Variants in NISCH observed in about 807,000 individuals in gnomAD.
NISCH encodes nischarin, also known as I-1 receptor candidate protein.
Under a neutral mutation model 138.4 loss-of-function variants are expected in NISCH, and 55 were observed. That is an observed-to-expected ratio of 0.40 (90% CI 0.32 to 0.50). The LOEUF (loss-of-function observed/expected upper bound fraction) is 0.50. Among genes scored for constraint, NISCH ranks in the 20% least tolerant of loss-of-function variants. The pLI is 0.71. For synonymous variants in NISCH, 860 were observed against 861.5 expected, an observed-to-expected ratio of 1.00 and a Z score of 0.03; for missense variants, 1,643 against 2,005.5, an observed-to-expected ratio of 0.82 and a Z score of 3.45.
chr3:52,478,225 C>T lies in NISCH; in HGVS notation c.1116C>T (p.Gly372=). 6.2e-7 allele frequency: 1 copy of T among 1,614,120 alleles called. No individual in the cohort carries two copies. The change falls in exon 10 of 21, where the codon GGC becomes GGT. Residue 372 remains glycine, a synonymous_variant. Transcript: ENST00000345716. ...LAGNLLESLS[G]LHKLYSLVNL... The stretch of plus-strand genomic sequence containing the variant: ...GCAACCTCCTAGAGAGTCTGAGTGG[C>T]CTGCACAAGCTCTACTCACTGGTCA...
chr3:52,481,092 T>C (rs1372501824), intron 13 of NISCH: 5 of 1,303,960 alleles, frequency 3.8e-6, no homozygotes, highest in Non-Finnish European at 4.9e-6. Context: ...CAGAAAAACA[T>C]TCCCACCCCT....
Position 52,476,440 on chromosome 3 carries a change from T to A in NISCH, c.766-7T>A. 6.2e-7 allele frequency: 1 copy of A among 1,613,944 alleles called. No homozygotes were observed. Among genetic ancestry groups the A allele is most frequent in the Non-Finnish European group, 8.5e-7 (1 of 1,179,864 alleles). On this transcript the variant is annotated splice_region_variant and splice_polypyrimidine_tract_variant and intron_variant, in intron 7 of 20. Coordinates refer to ENST00000345716, the MANE Select transcript of NISCH (RefSeq NM_007184.4). ...GTGTGGTGCTCCACACAGATGTTTT[T>A]ATGCAGGAAGTCCTTGTTCCTGAAG...
chr3:52,460,107 A>C (rs1030939041), intron 3 of NISCH, among the ~76,000 whole-genome samples: 5 of 148,122 alleles, frequency 3.4e-5, no homozygotes, highest in Non-Finnish European at 5.9e-5. Context: ...CTTGAACCCA[A>C]GAAGCAGAGG....
intron 3 of NISCH, among the ~76,000 whole-genome samples, chr3:52,460,968 G>A (rs1176894863): frequency 6.6e-6 from 1 of 152,242 alleles, no homozygotes; most frequent in Non-Finnish European, 1.5e-5. Flanking sequence ...GCCAGGTGCA[G>A]TGGCTCACGC....
In NISCH at chr3:52,458,810, G is replaced by T; in HGVS notation, c.326G>T (p.Arg109Ile). ...GCTGCCTTCCCTGGCGTGACCCCCA[G>T]AGTACTGGCCCACTTCTTGCATTTT... ...LLAAFPGVTP[R>I]VLAHFLHFHF... Residue 109 changes from arginine (R) to isoleucine (I), a missense_variant, in exon 3 of 21, where the codon AGA becomes ATA. Transcript: ENST00000345716. 6.2e-7 allele frequency: 1 copy of T among 1,610,766 alleles called. No individual in the cohort carries two copies. Among genetic ancestry groups the T allele is most frequent in the Non-Finnish European group, 8.5e-7 (1 of 1,179,470 alleles).
chr3:52,461,152 C>T (rs1282371199), intron 3 of NISCH, among the ~76,000 whole-genome samples: 3 of 152,166 alleles, frequency 2.0e-5, no homozygotes, highest in African/African-American at 4.8e-5. Flanking sequence ...GCATGAGAGT[C>T]GCTTGAACCT....
At chr3:52,477,476 C>T (rs1158233478) in intron 8 of NISCH, 98 bp from the exon 9 acceptor site, 10 of 973,316 alleles carry the variant, frequency 1.0e-5, no homozygotes, top group African/African-American at 3.2e-5. Flanking sequence ...AGTCCATGGT[C>T]GGGAGGAAGC....
In NISCH at chr3:52,457,431, C is replaced by G. The variant is rs10865972; in HGVS notation, c.94-412C>G. Among the ~76,000 whole-genome samples the G allele has an allele frequency of 6.0e-3, 919 of 152,312 alleles. 7 individuals carry two copies. The highest frequency in any genetic ancestry group is 9.5e-3 in the Non-Finnish European group (649 of 68,032). ...AAGTACAACAGAGAAGATGCTCAGG[C>G]TAGAACTGGCCCTGCTCTGCCTCCC... On this transcript the variant is annotated intron_variant, in intron 1 of 20. Coordinates refer to ENST00000345716, the MANE Select transcript of NISCH (RefSeq NM_007184.4).
At chr3:52,491,828 A>T (rs1173162678) in intron 20 of NISCH, 44 bp from the exon 21 acceptor site, 1 of 1,529,608 alleles carries the variant, frequency 6.5e-7, no homozygotes, top group African/African-American at 1.4e-5. Context: ...CAGCCCCACC[A>T]GGGGCCGGTT....
Position 52,487,853 on chromosome 3 carries a change from T to C in NISCH, c.2361T>C (p.Ser787=). 1 of 1,612,678 alleles carries C rather than the reference T, an allele frequency of 6.2e-7. No homozygotes were observed. Among genetic ancestry groups the C allele is most frequent in the Non-Finnish European group, 8.5e-7 (1 of 1,179,772 alleles). The change falls in exon 16 of 21, where the codon AGT becomes AGC. Residue 787 remains serine (S), a synonymous_variant. Coordinates refer to ENST00000345716, the MANE Select transcript of NISCH (RefSeq NM_007184.4). This position sits in a 1 kb window ranked among gnomAD's most constrained non-coding sequence, Gnocchi z 9.1. ...GTCTGGTGCTCAAGGTACGGCACAG[T>C]GAGAACACGCTCTTCATTATCTCGG... ...ELCLVLKVRH[S]ENTLFIISDA...
chr3:52,471,721 C>T (rs551488446), intron 4 of NISCH, 93 bp from the exon 5 acceptor site: 32 of 1,434,108 alleles, frequency 2.2e-5, no homozygotes, highest in Middle Eastern at 1.8e-4. Context: ...GGGTGCTTGC[C>T]AACTGCTTGT....
At chr3:52,468,034 C>T (rs1424565966) in intron 3 of NISCH, among the ~76,000 whole-genome samples, 3 of 152,162 alleles carry the variant, frequency 2.0e-5, no homozygotes, top group African/African-American at 4.8e-5. Context: ...CCAAGGTAGG[C>T]GGATCACTTG....
intron 13 of NISCH, chr3:52,482,008 C>T (rs1707289390): frequency 2.5e-6 from 2 of 796,120 alleles, no homozygotes; most frequent in South Asian, 1.1e-4. Context: ...AGTGCCCTTT[C>T]TGACCACTTG....
intron 20 of NISCH, 168 bp downstream of exon 20, chr3:52,491,681 C>T (rs1707569120): frequency 7.7e-6 from 8 of 1,044,746 alleles, no homozygotes; most frequent in Non-Finnish European, 1.1e-5. Flanking sequence ...TCCACTCCAG[C>T]AGTCCCTCAA....
intron 3 of NISCH, among the ~76,000 whole-genome samples, chr3:52,466,999 CTTT>C (rs11457136): frequency 4.1e-5 from 5 of 122,756 alleles, no homozygotes; most frequent in Non-Finnish European, 4.9e-5. Context: ...GTTTCTTTTT[CTTT>C]TTTTTTTTTT....
chr3:52,491,868 G>T lies in NISCH; in HGVS notation c.3905-4G>T, dbSNP rs1313001698. On this transcript the variant is annotated splice_region_variant and splice_polypyrimidine_tract_variant and intron_variant, in intron 20 of 20. Coordinates refer to ENST00000345716, the MANE Select transcript of NISCH (RefSeq NM_007184.4). ...GCTATAGCCCAGGTGGCATCTCTCT[G>T]CAGGGAAGATGGAGAACTACGAGCT... 3 of 1,581,064 alleles carry T rather than the reference G, an allele frequency of 1.9e-6. No homozygotes were observed. The highest frequency in any genetic ancestry group is 1.2e-5 in the South Asian group (1 of 86,260).
rs752537393 is a variant in NISCH at position 52,473,688 on chromosome 3, C to T, written c.670-46C>T. 21 of 1,394,268 alleles carry T rather than the reference C, an allele frequency of 1.5e-5. No homozygotes were observed. In the Middle Eastern group the frequency reaches 5.4e-4, roughly 36 times the overall value. The allele number at this position is 1,394,268 out of a possible 1,614,324, so 86.4% of individuals were successfully genotyped here. ...AACACCTGCATCTGGGGACTTCTGACGGAGCAAGGATTCTGTTTCTGAGAT... is the reference window on the plus strand; with the variant it reads ...AACACCTGCATCTGGGGACTTCTGATGGAGCAAGGATTCTGTTTCTGAGAT... On this transcript the variant is annotated intron_variant, in intron 6 of 20. Coordinates refer to ENST00000345716, the MANE Select transcript of NISCH (RefSeq NM_007184.4).
chr3:52,483,462 C>T (rs1335773533), intron 13 of NISCH, among the ~76,000 whole-genome samples: 2 of 152,224 alleles, frequency 1.3e-5, no homozygotes, highest in Non-Finnish European at 2.9e-5. Context: ...AAGGCTTTAC[C>T]TTCAAGTGGT....
In NISCH at chr3:52,480,312, C is replaced by G. The variant is rs773219924; in HGVS notation, c.1528+17C>G. Reference sequence around the variant, plus strand: ...CTAACCAAGGTAATCGTGTATGTATCTTGCTTCTAGTGGAGCCACACAGCC... The same window carrying G: ...CTAACCAAGGTAATCGTGTATGTATGTTGCTTCTAGTGGAGCCACACAGCC... On this transcript the variant is annotated intron_variant, in intron 13 of 20. Coordinates refer to ENST00000345716, the MANE Select transcript of NISCH (RefSeq NM_007184.4). 9 of 1,613,570 alleles carry G rather than the reference C, an allele frequency of 5.6e-6. No homozygotes were observed. Among genetic ancestry groups the G allele is most frequent in the Admixed American group, 3.3e-5 (2 of 60,006 alleles).
Sources: allele counts gnomAD v4.1 joint callset (sites outside exome capture counted in the v4.1 genomes callset), GRCh38; gene constraint gnomAD v4.1.1; non-coding constraint Gnocchi (gnomAD v3.1); transcripts MANE v1.5; gene names NCBI Gene and HGNC (gene_info 2026-07-23, HGNC 2026-07-21).